The following FDCSP variants were observed in gnomAD, a reference collection of about 807,000 sequenced individuals.
FDCSP encodes the protein follicular dendritic cell secreted peptide.
A neutral mutation model predicts 8.9 loss-of-function variants in FDCSP; 8 were observed. The observed-to-expected ratio is 0.90, with a 90% CI of 0.53 to 1.63. The LOEUF is 1.63. Among genes scored for constraint, FDCSP ranks in the 40% most tolerant of loss-of-function variants. FDCSP has a pLI of 0.00. For missense variants in FDCSP, 101 were observed against 103.6 expected (o/e 0.98, Z 0.11); for synonymous variants, 34 against 34.5 (o/e 0.98, Z 0.06).
Position 70,230,655 on chromosome 4 carries a change from G to A in FDCSP, c.1-540G>A, listed in dbSNP as rs560817283. On this transcript the variant is annotated intron_variant, in intron 1 of 4. Transcript: ENST00000317987. The stretch of plus-strand genomic sequence containing the variant: ...AAGAAAAGAGATCCTTCTTCACATC[G>A]TGGATTTTTGGGGGTTGCCTGGAAC... 1.8e-3 allele frequency among the ~76,000 whole-genome samples: 269 copies of A among 151,718 alleles called. 1 individual carries two copies. Among genetic ancestry groups the A allele is most frequent in the Admixed American group, 5.7e-3 (87 of 15,170 alleles).
chr4:70,232,525 A>G (rs1221625818), intron 2 of FDCSP, among the ~76,000 whole-genome samples: 1 of 151,628 alleles, frequency 6.6e-6, no homozygotes, highest in African/African-American at 2.4e-5. Context: ...AGGACACTCT[A>G]TGATGTTCAC....
chr4:70,229,245 C>T (rs972781131), intron 1 of FDCSP, among the ~76,000 whole-genome samples: 76 of 151,822 alleles, frequency 5.0e-4, no homozygotes, highest in African/African-American at 1.7e-3. Flanking sequence ...GCAGTTTCTT[C>T]ACATCTCTCA....
chr4:70,227,911 T>A (rs375198230), intron 1 of FDCSP, among the ~76,000 whole-genome samples: 86 of 151,966 alleles, frequency 5.7e-4, no homozygotes, highest in African/African-American at 2.0e-3. Context: ...CACTGAGTCA[T>A]AATCTTTTTG....
At chr4:70,231,952 G>T (rs577353615) in intron 2 of FDCSP, among the ~76,000 whole-genome samples, 1 of 151,720 alleles carries the variant, frequency 6.6e-6, no homozygotes, top group East Asian at 1.9e-4. Context: ...AAACAAAATA[G>T]TTTAAAAGTA....
In FDCSP at chr4:70,234,233, C is replaced by T. The variant is rs775045902; in HGVS notation, c.*28+18C>T. The stretch of plus-strand genomic sequence containing the variant: ...TAAACCTGGTAAGTACACATAGTTA[C>T]AATCATAGTTTATTTTAAGTTTGCA... On this transcript the variant is annotated intron_variant, in intron 4 of 4. Transcript: ENST00000317987. 3 of 1,486,470 alleles carry T rather than the reference C, an allele frequency of 2.0e-6. No individual in the cohort carries two copies. Among genetic ancestry groups the T allele is most frequent in the Admixed American group, 2.2e-5 (1 of 44,866 alleles). 92.1% of individuals were successfully genotyped at this position (1,486,470 alleles called of 1,614,324 possible).
intron 1 of FDCSP, among the ~76,000 whole-genome samples, chr4:70,230,371 G>A (rs762994457): frequency 2.0e-5 from 3 of 151,542 alleles, no homozygotes; most frequent in Non-Finnish European, 3.0e-5. Context: ...AAATGCAAAT[G>A]TTCTGTTTCA....
chr4:70,227,565 A>G (rs1037405518), intron 1 of FDCSP, among the ~76,000 whole-genome samples: 2 of 144,998 alleles, frequency 1.4e-5, no homozygotes, highest in Non-Finnish European at 3.1e-5. Flanking sequence ...AATGTAAAAT[A>G]TTAAATTAAA....
chr4:70,228,515 T>C (rs900856916), intron 1 of FDCSP, among the ~76,000 whole-genome samples: 1 of 151,858 alleles, frequency 6.6e-6, no homozygotes, highest in Non-Finnish European at 1.5e-5. Context: ...GAATCACAAA[T>C]GGTCTTAATG....
chr4:70,231,112 A>C, intron 1 of FDCSP, 83 bp from the exon 2 acceptor site: 2 of 1,099,836 alleles, frequency 1.8e-6, no homozygotes, highest in Non-Finnish European at 2.6e-6. Context: ...GATCTTTTAA[A>C]TTCATGGTCT....
rs923076653 is a variant in FDCSP at position 70,226,146 on chromosome 4, C to T, written c.-37C>T. On this transcript the variant is annotated 5_prime_UTR_variant, in exon 1 of 5. Coordinates refer to ENST00000317987, the MANE Select transcript of FDCSP (RefSeq NM_152997.4). ...GCCAGTCACTTGCCATTTCTCATAA[C>T]AGCGTCAGAGAGAAAGAACTGACTG... 33 of 151,984 alleles carry T rather than the reference C, an allele frequency of 2.2e-4. No homozygotes were observed. Among genetic ancestry groups the T allele is most frequent in the African/African-American group, 8.0e-4 (33 of 41,496 alleles). 9.4% of individuals were successfully genotyped at this position (151,984 alleles called of 1,614,324 possible).
At chr4:70,230,763 C>T (rs991085368) in intron 1 of FDCSP, among the ~76,000 whole-genome samples, 2 of 151,690 alleles carry the variant, frequency 1.3e-5, no homozygotes, top group Admixed American at 1.3e-4. Context: ...CACTAAATAA[C>T]CGCTTACTTC....
At chr4:70,226,994 T>A (rs541481274) in intron 1 of FDCSP, among the ~76,000 whole-genome samples, 1 of 152,056 alleles carries the variant, frequency 6.6e-6, no homozygotes, top group African/African-American at 2.4e-5. Flanking sequence ...TTTCTCAACC[T>A]GCCTCTTTCT....
chr4:70,233,041 C>A lies in FDCSP; in HGVS notation c.90+15C>A. On this transcript the variant is annotated intron_variant, in intron 3 of 4. Coordinates refer to ENST00000317987, the MANE Select transcript of FDCSP (RefSeq NM_152997.4). ...AAAAAAGAAGTGTAAGTTACCTTTT[C>A]TCTTTTTTACATGTAAGTTTTACAC... is the stretch of plus-strand genomic sequence containing the variant. The A allele has an allele frequency of 6.3e-7, 1 of 1,587,114 alleles. No individual in the cohort carries two copies. Among genetic ancestry groups the A allele is most frequent in the South Asian group, 1.2e-5 (1 of 86,704 alleles).
chr4:70,228,238 T>A (rs1296492343), intron 1 of FDCSP, among the ~76,000 whole-genome samples: 2 of 151,846 alleles, frequency 1.3e-5, no homozygotes, highest in African/African-American at 4.8e-5. Context: ...CACAGCATCT[T>A]CACCAGGAGT....
chr4:70,231,493 T>A (rs562963327), intron 2 of FDCSP, among the ~76,000 whole-genome samples: 236 of 151,490 alleles, frequency 1.6e-3, no homozygotes, highest in African/African-American at 5.4e-3. Flanking sequence ...AAAAAATATA[T>A]ATATAATGAA....
Position 70,231,186 on chromosome 4 carries a change from AT to A in FDCSP, c.1-5del. 6.3e-7 allele frequency: 1 copy of A among 1,588,828 alleles called. No individual in the cohort carries two copies. Among genetic ancestry groups the A allele is most frequent in the Non-Finnish European group, 8.6e-7 (1 of 1,167,174 alleles). On this transcript the variant is annotated splice_region_variant and splice_polypyrimidine_tract_variant and intron_variant, in intron 1 of 4. Coordinates refer to ENST00000317987, the MANE Select transcript of FDCSP (RefSeq NM_152997.4). ...GTTCTTCTTATTTTTTATTTACTCC[AT>A]TTTGCAGATGAAGAAAGTTCTCCTC... is the stretch of plus-strand genomic sequence containing the variant.
chr4:70,234,275 T>A, intron 4 of FDCSP, 60 bp downstream of exon 4: 1 of 1,380,352 alleles, frequency 7.2e-7, no homozygotes, highest in Non-Finnish European at 9.8e-7. Context: ...AATCCATAAT[T>A]TCAAGGAAAA....
chr4:70,229,266 A>T (rs1310576297), intron 1 of FDCSP, among the ~76,000 whole-genome samples: 2 of 151,718 alleles, frequency 1.3e-5, no homozygotes, highest in Non-Finnish European at 3.0e-5. Flanking sequence ...ATCTTTGTAT[A>T]ATTAAAGAGC....
At chr4:70,226,919 T>C (rs1319610445) in intron 1 of FDCSP, among the ~76,000 whole-genome samples, 1 of 151,920 alleles carries the variant, frequency 6.6e-6, no homozygotes, top group Non-Finnish European at 1.5e-5. Context: ...GAATAATTCT[T>C]GAAACCAGTT....
Sources: gnomAD v4.1 joint callset for allele counts (sites outside exome capture counted in the v4.1 genomes callset) on GRCh38, gnomAD v4.1.1 for gene constraint, MANE v1.5 for transcripts, NCBI Gene and HGNC (gene_info 2026-07-23, HGNC 2026-07-21) for gene names.